The following AFF2 variants were observed in gnomAD, a reference collection of about 807,000 sequenced individuals.
AFF2 encodes the protein AF4/FMR2 family member 2.
A neutral mutation model predicts 76.9 loss-of-function variants in AFF2; 14 were observed. The ratio of observed to expected loss-of-function variants is 0.18; its 90% confidence interval spans 0.12 to 0.28. The LOEUF is 0.28. Among genes scored for constraint, AFF2 ranks in the 10% least tolerant of loss-of-function variants. The pLI is 1.00. For missense variants in AFF2, 868 were observed against 1,001.1 expected (o/e 0.87, Z 1.79); for synonymous variants, 398 against 366.7 (o/e 1.09, Z -0.98).
intron 1 of AFF2, among the ~76,000 whole-genome samples, chrX:148,612,499 C>G (rs1346711322): frequency 1.8e-5 from 2 of 111,965 alleles, no homozygotes; most frequent in Non-Finnish European, 3.8e-5. Flanking sequence ...TATATGCAAC[C>G]ACGTTAGCAA....
intron 1 of AFF2, among the ~76,000 whole-genome samples, chrX:148,534,792 C>T (rs2052766216): frequency 1.8e-5 from 2 of 112,344 alleles, no homozygotes; most frequent in Admixed American, 1.9e-4. Flanking sequence ...TCATTATCTT[C>T]CTTCCAGAAG....
intron 9 of AFF2, among the ~76,000 whole-genome samples, chrX:148,932,111 G>T (rs782264744): frequency 8.9e-6 from 1 of 111,993 alleles, no homozygotes; most frequent in Non-Finnish European, 1.9e-5. Flanking sequence ...TGGAGGAATA[G>T]ATGAGACATT....
intron 3 of AFF2, among the ~76,000 whole-genome samples, chrX:148,794,745 A>G (rs1325214115): frequency 9.0e-6 from 1 of 111,629 alleles, no homozygotes; most frequent in Non-Finnish European, 1.9e-5. Context: ...TAACAGGGAT[A>G]AATAATCTTT....
intron 4 of AFF2, 137 bp downstream of exon 4, chrX:148,810,057 C>G (rs782265082): frequency 1.3e-5 from 7 of 557,711 alleles, no homozygotes; most frequent in Non-Finnish European, 2.0e-5. Context: ...GACCCTTCTG[C>G]TTATTCCAGT....
intron 1 of AFF2, among the ~76,000 whole-genome samples, chrX:148,563,174 G>A (rs986989225): frequency 5.4e-5 from 6 of 111,541 alleles, no homozygotes; most frequent in African/African-American, 2.0e-4. Flanking sequence ...TGTTAAGGAT[G>A]GTAACTTTAT....
intron 1 of AFF2, among the ~76,000 whole-genome samples, chrX:148,618,688 AT>A (rs1284387469): frequency 2.7e-5 from 3 of 111,675 alleles, no homozygotes; most frequent in Non-Finnish European, 5.7e-5. Context: ...TACAAGGTGG[AT>A]TTTTATAAGA....
chrX:148,913,568 T>C (rs895490096), intron 9 of AFF2, among the ~76,000 whole-genome samples: 4 of 112,075 alleles, frequency 3.6e-5, no homozygotes, highest in African/African-American at 1.3e-4. Context: ...CTAATAACCA[T>C]AGGGATAAAA....
rs193221595 is a variant in AFF2, at chrX:148,915,873, C to A, written c.1397+11615C>A. 4.5e-3 allele frequency among the ~76,000 whole-genome samples: 508 copies of A among 112,564 alleles called. 2 individuals are homozygous for A. The highest frequency in any genetic ancestry group is 0.016 in the African/African-American group (490 of 30,932). ...CATATAATTTAAGCTTCACCTATTT[C>A]CAAACAGGGATGTAACATAATTGAA... On this transcript the variant is annotated intron_variant, in intron 9 of 20. Coordinates refer to ENST00000370460, the MANE Select transcript of AFF2 (RefSeq NM_002025.4).
intron 1 of AFF2, among the ~76,000 whole-genome samples, chrX:148,506,921 A>G (rs2052426230): frequency 8.9e-6 from 1 of 112,132 alleles, no homozygotes. Flanking sequence ...GTCTTAGGAT[A>G]TGTGTTTGTT....
At chrX:148,918,520 C>CT (rs1417924427) in intron 9 of AFF2, among the ~76,000 whole-genome samples, 5 of 111,626 alleles carry the variant, frequency 4.5e-5, no homozygotes, top group Non-Finnish European at 9.4e-5. Context: ...TGTTAGTTGG[C>CT]TTTTTTAATT....
intron 1 of AFF2, among the ~76,000 whole-genome samples, chrX:148,625,501 A>G (rs1476219024): frequency 9.1e-6 from 1 of 110,157 alleles, no homozygotes; most frequent in Non-Finnish European, 1.9e-5. Flanking sequence ...AGTCAGCCTC[A>G]TTATCAGTCG....
intron 3 of AFF2, among the ~76,000 whole-genome samples, chrX:148,664,572 T>C (rs1557258240): frequency 8.9e-6 from 1 of 111,833 alleles, no homozygotes; most frequent in Non-Finnish European, 1.9e-5. Flanking sequence ...ATGCCCTGAT[T>C]GGCACCGACT....
rs1216835991 is a variant in AFF2, at chrX:148,717,472, C to G, written c.1041+54704C>G. 8.0e-5 allele frequency among the ~76,000 whole-genome samples: 9 copies of G among 111,965 alleles called. No homozygotes were observed. In the Admixed American group the frequency reaches 8.5e-4, roughly 11 times the overall value. On this transcript the variant is annotated intron_variant, in intron 3 of 20. Coordinates refer to ENST00000370460, the MANE Select transcript of AFF2 (RefSeq NM_002025.4). ...TCGGGTGATGAAAATGTTTAAGAAT[C>G]AGACAGTGGTGATGTTCACTTAACA... is the stretch of plus-strand genomic sequence containing the variant.
At chrX:148,581,688 G>A (rs1017037437) in intron 1 of AFF2, among the ~76,000 whole-genome samples, 5 of 110,483 alleles carry the variant, frequency 4.5e-5, no homozygotes, top group Non-Finnish European at 9.5e-5. Flanking sequence ...ATACGTATAC[G>A]TATATGTATA....
intron 3 of AFF2, among the ~76,000 whole-genome samples, chrX:148,756,692 C>T (rs908407094): frequency 8.9e-6 from 1 of 112,316 alleles, no homozygotes; most frequent in East Asian, 2.8e-4. Flanking sequence ...ATATATGAAA[C>T]AGATGTTTGC....
chrX:148,581,214 CAT>C (rs1192579109), intron 1 of AFF2, among the ~76,000 whole-genome samples: 1 of 76,795 alleles, frequency 1.3e-5, no homozygotes, highest in African/African-American at 5.3e-5. Context: ...CGTATACACA[CAT>C]ATATAATATA....
chrX:148,777,051 G>A (rs1412398757), intron 3 of AFF2, among the ~76,000 whole-genome samples: 1 of 111,580 alleles, frequency 9.0e-6, no homozygotes, highest in Non-Finnish European at 1.9e-5. Context: ...AAGGAAGGGG[G>A]ACCAGTTTCA....
intron 11 of AFF2, among the ~76,000 whole-genome samples, chrX:148,957,984 T>C (rs1985426050): frequency 8.9e-6 from 1 of 112,582 alleles, no homozygotes; most frequent in Non-Finnish European, 1.9e-5. Flanking sequence ...AGTTACAATG[T>C]TAGTTTCTAA....
At chrX:148,857,322 C>T (rs113528745) in intron 7 of AFF2, among the ~76,000 whole-genome samples, 1,236 of 111,307 alleles carry the variant, frequency 0.011, 21 homozygotes, top group African/African-American at 0.038. Context: ...TTAAAGAATA[C>T]TTTCTTCAGG....
Sources: allele counts gnomAD v4.1 joint callset (sites outside exome capture counted in the v4.1 genomes callset), GRCh38; gene constraint gnomAD v4.1.1; transcripts MANE v1.5; gene names NCBI Gene and HGNC (gene_info 2026-07-23, HGNC 2026-07-21).